MAF: variants seen among roughly 807,000 people sequenced by gnomAD.
MAF encodes MAF bZIP transcription factor.
MAF carries 10 observed loss-of-function variants against 22.0 expected under a neutral mutation model. The ratio of observed to expected loss-of-function variants is 0.45; its 90% CI spans 0.28 to 0.77. MAF has a LOEUF of 0.77. Ranked by LOEUF, MAF falls within the 30% of genes least tolerant of loss-of-function variation. MAF has a pLI of 0.12. For missense variants in MAF, 544 were observed against 548.4 expected (o/e 0.99, Z 0.08); for synonymous variants, 337 against 255.8 (o/e 1.32, Z -3.03).
the MAF span, among the ~76,000 whole-genome samples, chr16:79,256,233 C>G: frequency 6.6e-6 from 1 of 151,916 alleles, no homozygotes; most frequent in Non-Finnish European, 1.5e-5. Flanking sequence ...CGTGATCCGC[C>G]TGCCTCGGCC....
the MAF span, among the ~76,000 whole-genome samples, chr16:79,232,333 C>T: frequency 6.6e-6 from 1 of 152,098 alleles, no homozygotes; most frequent in African/African-American, 2.4e-5. Flanking sequence ...CTTACCTTCA[C>T]ATGTAAACAC....
At chr16:79,443,526 T>C in the MAF span, among the ~76,000 whole-genome samples, 1 of 152,208 alleles carries the variant, frequency 6.6e-6, no homozygotes, top group Non-Finnish European at 1.5e-5. Flanking sequence ...AGGGAGAATA[T>C]GCCTTATGAG....
the MAF span, among the ~76,000 whole-genome samples, chr16:79,215,550 T>G: frequency 6.6e-6 from 1 of 152,188 alleles, no homozygotes; most frequent in African/African-American, 2.4e-5. Flanking sequence ...TCCTGCTTCC[T>G]GGCCGTGTCT....
chr16:79,222,047 A>G, the MAF span, among the ~76,000 whole-genome samples: 1 of 152,164 alleles, frequency 6.6e-6, no homozygotes, highest in African/African-American at 2.4e-5. Flanking sequence ...GTTGGGGCGA[A>G]GCTCTCTGAC....
At chr16:79,576,792 T>G in the MAF span, among the ~76,000 whole-genome samples, 1 of 152,104 alleles carries the variant, frequency 6.6e-6, no homozygotes, top group African/African-American at 2.4e-5. Context: ...ATTATCATAT[T>G]TAATCCAGGT....
chr16:79,433,366 T>G, the MAF span, among the ~76,000 whole-genome samples: 1 of 151,676 alleles, frequency 6.6e-6, no homozygotes, highest in African/African-American at 2.4e-5. Context: ...AAGTTTCATC[T>G]TCCTAAGCAA....
chr16:79,416,476 G>A, the MAF span, among the ~76,000 whole-genome samples: 1 of 143,356 alleles, frequency 7.0e-6, no homozygotes, highest in African/African-American at 2.7e-5. Context: ...ATAAAAAGAA[G>A]GAAGTGGTTT....
the MAF span, among the ~76,000 whole-genome samples, chr16:79,382,440 T>C: frequency 1.3e-5 from 2 of 152,252 alleles, no homozygotes; most frequent in African/African-American, 4.8e-5. Flanking sequence ...ACTGGACATA[T>C]GTGGCTATTG....
the MAF span, among the ~76,000 whole-genome samples, chr16:79,235,930 C>T: frequency 2.6e-5 from 4 of 151,960 alleles, no homozygotes; most frequent in East Asian, 7.7e-4. Flanking sequence ...CCAAGCCGCC[C>T]AGAATCCAGG....
the MAF span, among the ~76,000 whole-genome samples, chr16:79,364,777 C>A: frequency 5.3e-5 from 8 of 152,144 alleles, no homozygotes; most frequent in Non-Finnish European, 1.0e-4. Flanking sequence ...TGGGATCTTC[C>A]CGTGTTAGAC....
the MAF span, among the ~76,000 whole-genome samples, chr16:79,411,114 T>C: frequency 5.3e-5 from 8 of 152,190 alleles, no homozygotes; most frequent in East Asian, 1.5e-3. Flanking sequence ...CCTTGTCCCA[T>C]TTTAGTTTCC....
the MAF span, among the ~76,000 whole-genome samples, chr16:79,302,881 T>C: frequency 6.6e-6 from 1 of 152,232 alleles, no homozygotes; most frequent in Non-Finnish European, 1.5e-5. Flanking sequence ...GTTTGTCTGT[T>C]TAATGTAACT....
At chr16:79,427,170 G>A in the MAF span, among the ~76,000 whole-genome samples, 2 of 152,210 alleles carry the variant, frequency 1.3e-5, no homozygotes, top group African/African-American at 2.4e-5. Context: ...AATTATCACT[G>A]TGGTTTTAGA....
chr16:79,312,272 GCATACACAACA>G, the MAF span, among the ~76,000 whole-genome samples: 1 of 152,168 alleles, frequency 6.6e-6, no homozygotes, highest in Admixed American at 6.5e-5. Flanking sequence ...CTCCTCCACT[GCATACACAACA>G]CAAAGGCACA....
chr16:79,588,116 T>C (rs915885054), intron 1 of MAF, among the ~76,000 whole-genome samples: 3 of 152,188 alleles, frequency 2.0e-5, no homozygotes, highest in East Asian at 1.9e-4. Context: ...GTTCTTTAAA[T>C]AGTACAGGAG....
chr16:79,260,667 G>A, the MAF span, among the ~76,000 whole-genome samples: 1 of 152,206 alleles, frequency 6.6e-6, no homozygotes, highest in African/African-American at 2.4e-5. Flanking sequence ...GCATTGACCA[G>A]TGAGTGTTCA....
intron 1 of MAF, chr16:79,598,526 A>G (rs1048313046): frequency 7.2e-7 from 1 of 1,383,922 alleles, no homozygotes; most frequent in Non-Finnish European, 9.4e-7. Context: ...CCAGACACCC[A>G]TTCCCTCCCC....
chr16:79,591,437 G>T (rs943877995), downstream of MAF, among the ~76,000 whole-genome samples: 1 of 152,168 alleles, frequency 6.6e-6, no homozygotes, highest in Non-Finnish European at 1.5e-5. Flanking sequence ...CTCTGTAGAA[G>T]AGAGGAATGT....
At chr16:79,547,604 T>C in the MAF span, among the ~76,000 whole-genome samples, 14 of 152,224 alleles carry the variant, frequency 9.2e-5, no homozygotes, top group Admixed American at 8.5e-4. Context: ...TATATTGCTA[T>C]ATAGATGCAA....
Sources: gnomAD v4.1 joint callset for allele counts (sites outside exome capture counted in the v4.1 genomes callset) on GRCh38, gnomAD v4.1.1 for gene constraint, MANE v1.5 for transcripts, NCBI Gene and HGNC (gene_info 2026-07-23, HGNC 2026-07-21) for gene names.